Variants in PTPRK observed in about 807,000 individuals in gnomAD.
PTPRK encodes receptor-type tyrosine-protein phosphatase kappa.
PTPRK carries 75 observed loss-of-function variants against 178.0 expected under a neutral mutation model. That is an observed-to-expected ratio of 0.42 (90% CI 0.35 to 0.51). PTPRK has a LOEUF of 0.51. Ranked by LOEUF, PTPRK falls within the 20% of genes least tolerant of loss-of-function variation. PTPRK has a pLI of 0.02. For missense variants in PTPRK, 1,441 were observed against 1,797.8 expected, an observed-to-expected ratio of 0.80 and a Z score of 3.59; for synonymous variants, 637 against 620.6, an observed-to-expected ratio of 1.03 and a Z score of -0.39.
intron 5 of PTPRK, among the ~76,000 whole-genome samples, chr6:128,222,608 G>C (rs116382501): frequency 6.6e-6 from 1 of 152,132 alleles, no homozygotes; most frequent in Non-Finnish European, 1.5e-5. Context: ...ATAACAGCCC[G>C]TGCAATTCAG....
At chr6:128,236,639 G>A (rs560254393) in intron 5 of PTPRK, among the ~76,000 whole-genome samples, 13 of 152,078 alleles carry the variant, frequency 8.5e-5, no homozygotes, top group South Asian at 2.1e-4. Flanking sequence ...GAGCCACTGC[G>A]CCCGACCCTA....
intron 7 of PTPRK, among the ~76,000 whole-genome samples, chr6:128,118,210 A>C (rs187814918): frequency 4.3e-4 from 66 of 152,288 alleles, no homozygotes; most frequent in African/African-American, 1.5e-3. Flanking sequence ...TTTTTGGTGA[A>C]GGGATCTATA....
chr6:128,341,602 A>T (rs537089198), intron 2 of PTPRK, among the ~76,000 whole-genome samples: 1 of 152,358 alleles, frequency 6.6e-6, no homozygotes, highest in African/African-American at 2.4e-5. Context: ...TGAAACATGT[A>T]AAGAACCATC....
intron 3 of PTPRK, among the ~76,000 whole-genome samples, chr6:128,319,902 C>A (rs1828551112): frequency 6.6e-6 from 1 of 152,130 alleles, no homozygotes. Context: ...TTACTGAGCA[C>A]TAAGCACATG....
intron 7 of PTPRK, among the ~76,000 whole-genome samples, chr6:128,121,959 G>A (rs1456779343): frequency 6.6e-6 from 1 of 152,084 alleles, no homozygotes; most frequent in Non-Finnish European, 1.5e-5. Flanking sequence ...CTAGTGTTCA[G>A]AGATGTCTCA....
intron 2 of PTPRK, among the ~76,000 whole-genome samples, chr6:128,337,008 T>C (rs1325599364): frequency 2.0e-5 from 3 of 152,172 alleles, no homozygotes; most frequent in African/African-American, 7.2e-5. Flanking sequence ...CATGAATTCA[T>C]AGCTCATTAA....
intron 3 of PTPRK, among the ~76,000 whole-genome samples, chr6:128,262,579 G>A (rs1236667856): frequency 2.0e-5 from 3 of 152,056 alleles, no homozygotes; most frequent in African/African-American, 4.8e-5. Flanking sequence ...TATGGAGGGG[G>A]CAAGGCAAAG....
chr6:128,408,824 T>C (rs934126737), intron 1 of PTPRK, among the ~76,000 whole-genome samples: 6 of 152,184 alleles, frequency 3.9e-5, no homozygotes, highest in African/African-American at 1.4e-4. Context: ...CAAAATGGCT[T>C]GCAAATATAC....
At chr6:128,006,893 T>C (rs1367613311) in intron 14 of PTPRK, among the ~76,000 whole-genome samples, 2 of 150,944 alleles carry the variant, frequency 1.3e-5, no homozygotes, top group Non-Finnish European at 3.0e-5. Flanking sequence ...TTATACACCA[T>C]TCTTTTGCAA....
At chr6:128,279,569 C>A (rs924159110) in intron 3 of PTPRK, among the ~76,000 whole-genome samples, 1 of 152,152 alleles carries the variant, frequency 6.6e-6, no homozygotes, top group African/African-American at 2.4e-5. Context: ...CAGACGTTAA[C>A]CAAAGAGCCG....
At chr6:128,179,550 T>G (rs1289000962) in intron 7 of PTPRK, among the ~76,000 whole-genome samples, 1 of 151,978 alleles carries the variant, frequency 6.6e-6, no homozygotes, top group Non-Finnish European at 1.5e-5. Flanking sequence ...AAAGATCATA[T>G]ATAAGAAGCT....
chr6:128,511,876 G>A (rs1430403595), intron 1 of PTPRK, among the ~76,000 whole-genome samples: 1 of 152,176 alleles, frequency 6.6e-6, no homozygotes, highest in Non-Finnish European at 1.5e-5. Flanking sequence ...AGGATATTGT[G>A]AGGATTTAAA....
chr6:128,177,666 T>C (rs1801277629), intron 7 of PTPRK, among the ~76,000 whole-genome samples: 1 of 151,768 alleles, frequency 6.6e-6, no homozygotes, highest in Admixed American at 6.6e-5. Flanking sequence ...TTGGGATGTA[T>C]GACTAACTGT....
chr6:128,194,064 A>ATTATTAT (rs1554338897), intron 6 of PTPRK, among the ~76,000 whole-genome samples: 5 of 137,550 alleles, frequency 3.6e-5, no homozygotes, highest in African/African-American at 8.2e-5. Flanking sequence ...ATTTATATAT[A>ATTATTAT]TATTATTATT....
chr6:128,206,268 T>C (rs1806943727), intron 6 of PTPRK, among the ~76,000 whole-genome samples: 1 of 151,796 alleles, frequency 6.6e-6, no homozygotes, highest in Admixed American at 6.6e-5. Flanking sequence ...AGTCTGGTGA[T>C]ATTTAAAACA....
intron 13 of PTPRK, among the ~76,000 whole-genome samples, chr6:128,022,510 C>T (rs776968018): frequency 6.6e-6 from 1 of 152,140 alleles, no homozygotes; most frequent in African/African-American, 2.4e-5. Flanking sequence ...TTCACATATT[C>T]CATGAGAGTT....
At chr6:128,014,716 G>T (rs536879290) in intron 13 of PTPRK, among the ~76,000 whole-genome samples, 1 of 151,626 alleles carries the variant, frequency 6.6e-6, no homozygotes, top group African/African-American at 2.4e-5. Context: ...TACAATGACA[G>T]GTTTTGTAAA....
rs199777649 is a variant in PTPRK, at chr6:127,981,125, A to C, written c.3702T>G (p.Ala1234=). ...GAGGGCAGTCTCTTACGTCCATAAGAGCAGCATTGATGTAGTTACTGCTCT... is the reference window on the plus strand; with the variant it reads ...GAGGGCAGTCTCTTACGTCCATAAGCGCAGCATTGATGTAGTTACTGCTCT... ...DGESSNYINA[A]LMDSYRQPAA... is the part of the protein sequence containing the mutation. Residue 1234 remains alanine, a synonymous_variant, in exon 25 of 30, where the codon GCT becomes GCG. Transcript: ENST00000368226. 6.2e-7 allele frequency: 1 copy of C among 1,613,854 alleles called. No individual in the cohort carries two copies. Among genetic ancestry groups the C allele is most frequent in the East Asian group, 2.2e-5 (1 of 44,852 alleles).
chr6:128,377,012 G>T (rs185918301), intron 2 of PTPRK, among the ~76,000 whole-genome samples: 2 of 152,232 alleles, frequency 1.3e-5, no homozygotes, highest in East Asian at 3.9e-4. Flanking sequence ...GGTCTCTAGG[G>T]AGTTCCACAC....
Sources: allele counts gnomAD v4.1 joint callset (sites outside exome capture counted in the v4.1 genomes callset), GRCh38; gene constraint gnomAD v4.1.1; transcripts MANE v1.5; gene names NCBI Gene and HGNC (gene_info 2026-07-23, HGNC 2026-07-21).